The following NEO1 variants were observed in gnomAD, a reference collection of about 807,000 sequenced individuals.
NEO1 encodes neogenin.
A neutral mutation model predicts 159.7 loss-of-function variants in NEO1; 63 were observed. The observed-to-expected ratio is 0.39, with a 90% CI of 0.32 to 0.49. NEO1 has a LOEUF of 0.49. Among genes scored for constraint, NEO1 ranks in the 20% least tolerant of loss-of-function variants. The probability of loss-of-function intolerance (pLI) is 0.85; values close to 1 mark genes in which losing one functional copy is unlikely to be tolerated. For synonymous variants in NEO1, 633 were observed against 662.0 expected (o/e 0.96, Z 0.67); for missense variants, 1,615 against 1,831.0 (o/e 0.88, Z 2.15).
At chr15:73,296,424 G>T (rs1451240063) in intron 26 of NEO1, among the ~76,000 whole-genome samples, 2 of 152,150 alleles carry the variant, frequency 1.3e-5, no homozygotes, top group African/African-American at 4.8e-5. Flanking sequence ...TTTAAGGGGT[G>T]AGGAGTGACC....
intron 7 of NEO1, among the ~76,000 whole-genome samples, chr15:73,232,054 T>A (rs1358439150): frequency 6.6e-6 from 1 of 152,226 alleles, no homozygotes; most frequent in Admixed American, 6.5e-5. Context: ...TGACTGCCTT[T>A]GTAATGACTG....
chr15:73,227,362 G>A (rs1267186807), intron 7 of NEO1, among the ~76,000 whole-genome samples: 2 of 152,082 alleles, frequency 1.3e-5, no homozygotes, highest in East Asian at 1.9e-4. Context: ...CGGGTATGGT[G>A]GCGCATGCCT....
Position 73,219,371 on chromosome 15 carries a change from G to C in NEO1, c.1292-16976G>C, listed in dbSNP as rs1255806868. On this transcript the variant is annotated intron_variant, in intron 7 of 28. Transcript: ENST00000261908. ...TGTGGTCAATTTTGTAATAGGTGTG[G>C]TGTGGTGCTGAAAAAAATGTATATT... Among the ~76,000 whole-genome samples, 10 of 144,246 alleles carry C rather than the reference G, an allele frequency of 6.9e-5. No homozygotes were observed. The East Asian group carries it at 1.4e-3, about 21-fold the overall frequency. 94.6% of individuals were successfully genotyped at this position (144,246 alleles called of 152,430 possible). A position where few individuals can be genotyped will look rare whatever the true frequency, so the allele number is the denominator to read the frequency against.
intron 5 of NEO1, among the ~76,000 whole-genome samples, chr15:73,169,956 A>G (rs187800622): frequency 4.6e-5 from 7 of 152,188 alleles, no homozygotes; most frequent in Admixed American, 1.3e-4. Context: ...AGGATGAGAG[A>G]AACAGGGTTA....
intron 1 of NEO1, among the ~76,000 whole-genome samples, chr15:73,114,109 A>G (rs963850361): frequency 6.6e-6 from 1 of 152,198 alleles, no homozygotes; most frequent in Non-Finnish European, 1.5e-5. Flanking sequence ...CAAAACTAAC[A>G]TTGCCTGGGC....
At chr15:73,186,740 A>G (rs574426110) in intron 7 of NEO1, among the ~76,000 whole-genome samples, 40 of 152,272 alleles carry the variant, frequency 2.6e-4, no homozygotes, top group East Asian at 3.9e-4. Flanking sequence ...ATGGGTGCCA[A>G]TGATGGGGAG....
rs767870017 is a variant in NEO1, at chr15:73,254,800, G to A, written c.2063G>A (p.Ser688Asn). 2.5e-6 allele frequency: 4 copies of A among 1,613,992 alleles called. No homozygotes were observed. The highest frequency in any genetic ancestry group is 2.2e-5 in the South Asian group (2 of 91,052). ...AGTGATGTCACTGAGACCTTGGTAAGCGGGACACAGCTGTCTCAGCTGATT... is the reference window on the plus strand; with the variant it reads ...AGTGATGTCACTGAGACCTTGGTAAACGGGACACAGCTGTCTCAGCTGATT... ...RKSDVTETLV[S>N]GTQLSQLIEG... Residue 688 changes from serine to asparagine, a missense_variant, in exon 13 of 29, where the codon AGC becomes AAC. Ser to Asn is a conservative substitution (Grantham distance 46). Coordinates refer to ENST00000261908, the MANE Select transcript of NEO1 (RefSeq NM_002499.4).
At chr15:73,177,550 T>A (rs1267095424) in intron 6 of NEO1, among the ~76,000 whole-genome samples, 3 of 151,978 alleles carry the variant, frequency 2.0e-5, no homozygotes, top group Non-Finnish European at 4.4e-5. Context: ...TAGTTAAAAA[T>A]TTTTTTTGTT....
At chr15:73,128,218 A>G (rs1269027140) in intron 4 of NEO1, among the ~76,000 whole-genome samples, 4 of 151,718 alleles carry the variant, frequency 2.6e-5, no homozygotes, top group Non-Finnish European at 4.4e-5. Flanking sequence ...ATATTACATA[A>G]GCAAAGAATT....
intron 26 of NEO1, 184 bp from the exon 27 acceptor site, chr15:73,298,164 T>C: frequency 1.5e-6 from 1 of 679,528 alleles, no homozygotes; most frequent in South Asian, 2.0e-5. Context: ...GCTGGTTGAG[T>C]ACAAAATTGT....
intron 7 of NEO1, among the ~76,000 whole-genome samples, chr15:73,180,457 C>G (rs1370707720): frequency 6.6e-6 from 1 of 152,128 alleles, no homozygotes; most frequent in Non-Finnish European, 1.5e-5. Context: ...TGCCTGAGTA[C>G]AATTACTAAA....
intron 7 of NEO1, among the ~76,000 whole-genome samples, chr15:73,225,783 C>T (rs1428162770): frequency 2.6e-5 from 4 of 152,138 alleles, no homozygotes; most frequent in Non-Finnish European, 5.9e-5. Flanking sequence ...CTGATTCGCA[C>T]CCTTTCCCGA....
At chr15:73,060,001 T>C (rs1279642426) in intron 1 of NEO1, among the ~76,000 whole-genome samples, 7 of 152,020 alleles carry the variant, frequency 4.6e-5, no homozygotes, top group Admixed American at 4.6e-4. Context: ...ATGTGGAAAT[T>C]GAAAACAGAA....
chr15:73,254,250 A>ATT (rs1234476772), intron 12 of NEO1, among the ~76,000 whole-genome samples: 1 of 152,098 alleles, frequency 6.6e-6, no homozygotes. Context: ...CCAGCTGTTA[A>ATT]TTAGTTGTCC....
chr15:73,211,332 C>G (rs1472802624), intron 7 of NEO1, among the ~76,000 whole-genome samples: 2 of 152,184 alleles, frequency 1.3e-5, no homozygotes, highest in Non-Finnish European at 2.9e-5. Flanking sequence ...AGCCACTTTT[C>G]TGTAGCATAA....
intron 1 of NEO1, among the ~76,000 whole-genome samples, chr15:73,114,650 A>AT (rs565432533): frequency 5.9e-5 from 9 of 152,280 alleles, no homozygotes; most frequent in Middle Eastern, 3.4e-3. Flanking sequence ...TTTTGGGGGT[A>AT]TTTTTTCAAA....
intron 7 of NEO1, among the ~76,000 whole-genome samples, chr15:73,221,173 G>A (rs558467610): frequency 0.01 from 1,587 of 152,298 alleles, 15 homozygotes; most frequent in Non-Finnish European, 0.016. Context: ...AGGTCTGTTG[G>A]AGTTTGCTAG....
chr15:73,281,970 A>G (rs1567686290), intron 22 of NEO1, among the ~76,000 whole-genome samples: 1 of 152,246 alleles, frequency 6.6e-6, no homozygotes, highest in Non-Finnish European at 1.5e-5. Context: ...TTCCTTCTTC[A>G]GGGTCCTAAA....
intron 11 of NEO1, among the ~76,000 whole-genome samples, chr15:73,252,109 G>T (rs1350960256): frequency 6.6e-6 from 1 of 152,186 alleles, no homozygotes; most frequent in East Asian, 1.9e-4. Flanking sequence ...TAGGCTTGAG[G>T]CACTTTGCTA....
Sources: gnomAD v4.1 joint callset for allele counts (sites outside exome capture counted in the v4.1 genomes callset) on GRCh38, gnomAD v4.1.1 for gene constraint, MANE v1.5 for transcripts, NCBI Gene and HGNC (gene_info 2026-07-23, HGNC 2026-07-21) for gene names.